CCDC33: variants seen among roughly 807,000 people sequenced by gnomAD.
CCDC33 encodes coiled-coil domain-containing protein 33.
In CCDC33, 94 loss-of-function variants were observed where a neutral mutation model predicts 91.9. The observed-to-expected ratio is 1.02, with a 90% CI of 0.87 to 1.21. The LOEUF is 1.21. Ranked by LOEUF, CCDC33 falls within the 50% of genes most tolerant of loss-of-function variation. The pLI is 0.00. For synonymous variants in CCDC33, 396 were observed against 374.5 expected (o/e 1.06, Z -0.66); for missense variants, 940 against 935.5 (o/e 1.00, Z -0.06).
At chr15:74,314,754 C>A (rs2060058528) in intron 11 of CCDC33, among the ~76,000 whole-genome samples, 1 of 152,192 alleles carries the variant, frequency 6.6e-6, no homozygotes, top group Non-Finnish European at 1.5e-5. Context: ...AGCATTCCTG[C>A]CAGGAGAGAG....
chr15:74,309,890 G>A (rs543025082), intron 11 of CCDC33, among the ~76,000 whole-genome samples: 7 of 152,326 alleles, frequency 4.6e-5, no homozygotes, highest in Admixed American at 3.3e-4. Context: ...GCTCACACCT[G>A]TAATCCCAGC....
intron 1 of CCDC33, among the ~76,000 whole-genome samples, chr15:74,203,948 G>C (rs1000994322): frequency 2.6e-5 from 4 of 152,210 alleles, no homozygotes; most frequent in African/African-American, 9.6e-5. Flanking sequence ...AGAGGAAACA[G>C]CACGGGTGAA....
At chr15:74,206,205 C>T (rs559196266) in intron 1 of CCDC33, among the ~76,000 whole-genome samples, 11 of 152,308 alleles carry the variant, frequency 7.2e-5, no homozygotes, top group African/African-American at 2.4e-4. Context: ...CCATTGCCTC[C>T]CACCTGCCCC....
At chr15:74,225,028 G>A (rs1183543742) in intron 2 of CCDC33, among the ~76,000 whole-genome samples, 2 of 151,970 alleles carry the variant, frequency 1.3e-5, no homozygotes, top group Non-Finnish European at 2.9e-5. Flanking sequence ...TGTTGTAACC[G>A]AACACACCAG....
chr15:74,334,970 T>G lies in CCDC33; in HGVS notation c.2026-5T>G. 6.2e-7 allele frequency: 1 copy of G among 1,608,884 alleles called. No homozygotes were observed. The highest frequency in any genetic ancestry group is 1.1e-5 in the South Asian group (1 of 90,982). ...TCCTCCAATTGTCCCTCTCTGTGTC[T>G]GCAGTTAGAGGACTCAGCTCGACGC... On this transcript the variant is annotated splice_polypyrimidine_tract_variant and splice_region_variant and intron_variant, in intron 17 of 18. Transcript: ENST00000398814.
intron 13 of CCDC33, 80 bp from the exon 14 acceptor site, chr15:74,330,901 G>GGGGCCGAGGTGGACCCTCA: frequency 6.5e-7 from 1 of 1,532,768 alleles, no homozygotes; most frequent in Non-Finnish European, 8.8e-7. Flanking sequence ...ATTCAGCAGA[G>GGGGCCGAGGTGGACCCTCA]GGGCCGAGGT....
At chr15:74,231,250 G>A (rs896626055) in intron 2 of CCDC33, among the ~76,000 whole-genome samples, 6 of 152,322 alleles carry the variant, frequency 3.9e-5, no homozygotes, top group East Asian at 3.9e-4. Flanking sequence ...CTACATTAGT[G>A]ATAGAGTCAC....
At chr15:74,282,261 C>G (rs1017534095) in intron 10 of CCDC33, among the ~76,000 whole-genome samples, 10 of 152,342 alleles carry the variant, frequency 6.6e-5, no homozygotes, top group South Asian at 4.1e-4. Flanking sequence ...TTGGCAGGGT[C>G]ACATTCCTTT....
At chr15:74,295,144 T>C (rs1188996688) in intron 10 of CCDC33, among the ~76,000 whole-genome samples, 1 of 152,128 alleles carries the variant, frequency 6.6e-6, no homozygotes, top group Non-Finnish European at 1.5e-5. Flanking sequence ...CTGCACCAAG[T>C]GTGGGTGCCA....
At chr15:74,307,099 G>A (rs2059906259) in intron 11 of CCDC33, among the ~76,000 whole-genome samples, 1 of 152,166 alleles carries the variant, frequency 6.6e-6, no homozygotes, top group Admixed American at 6.5e-5. Flanking sequence ...TGGTGGGTGG[G>A]CGAGGCAGGA....
At chr15:74,207,622 C>T in intron 1 of CCDC33, 1 of 1,387,272 alleles carries the variant, frequency 7.2e-7, no homozygotes, top group South Asian at 1.2e-5. Context: ...TCAGGTACAC[C>T]CCCAACTTCG....
At chr15:74,241,673 G>A (rs1428221605) in intron 1 of CCDC33, among the ~76,000 whole-genome samples, 2 of 152,200 alleles carry the variant, frequency 1.3e-5, no homozygotes, top group Non-Finnish European at 2.9e-5. Flanking sequence ...TGGGGTGGAC[G>A]GAGAGTCGGA....
At chr15:74,204,741 C>A (rs1297198364) in intron 1 of CCDC33, among the ~76,000 whole-genome samples, 1 of 152,154 alleles carries the variant, frequency 6.6e-6, no homozygotes, top group African/African-American at 2.4e-5. Context: ...GAGACCCAGC[C>A]TGGCCAACAA....
chr15:74,328,361 A>G (rs916004764), intron 11 of CCDC33, among the ~76,000 whole-genome samples: 1 of 152,208 alleles, frequency 6.6e-6, no homozygotes, highest in African/African-American at 2.4e-5. Context: ...GGCTTCACGC[A>G]CCAACTCTTG....
intron 1 of CCDC33, among the ~76,000 whole-genome samples, chr15:74,237,681 C>T (rs796257020): frequency 1.1e-4 from 17 of 152,328 alleles, no homozygotes; most frequent in African/African-American, 3.8e-4. Flanking sequence ...CACTCAGAAC[C>T]GGTCACCAGG....
At chr15:74,295,096 G>C (rs1298841585) in intron 10 of CCDC33, among the ~76,000 whole-genome samples, 1 of 152,190 alleles carries the variant, frequency 6.6e-6, no homozygotes, top group African/African-American at 2.4e-5. Flanking sequence ...CATAGCAAAG[G>C]GTGTCAAAAG....
intron 1 of CCDC33, among the ~76,000 whole-genome samples, chr15:74,205,725 G>A (rs2074245165): frequency 6.6e-6 from 1 of 152,242 alleles, no homozygotes; most frequent in South Asian, 2.1e-4. Context: ...GACCCCAGCT[G>A]AGCCCAGGCA....
At chr15:74,307,372 T>C (rs923779551) in intron 11 of CCDC33, among the ~76,000 whole-genome samples, 10 of 152,192 alleles carry the variant, frequency 6.6e-5, no homozygotes, top group Non-Finnish European at 1.3e-4. Context: ...CACAATCTCA[T>C]GTAATCCTCA....
intron 10 of CCDC33, among the ~76,000 whole-genome samples, chr15:74,291,319 A>G (rs1385497818): frequency 6.6e-6 from 1 of 152,258 alleles, no homozygotes; most frequent in Non-Finnish European, 1.5e-5. Flanking sequence ...CTGATCGGGG[A>G]ACTGCTGCAC....
Sources: allele counts gnomAD v4.1 joint callset (sites outside exome capture counted in the v4.1 genomes callset), GRCh38; gene constraint gnomAD v4.1.1; transcripts MANE v1.5; gene names NCBI Gene and HGNC (gene_info 2026-07-23, HGNC 2026-07-21).